PLCB4: variants seen among roughly 807,000 people sequenced by gnomAD.
PLCB4 encodes 1-phosphatidylinositol 4,5-bisphosphate phosphodiesterase beta-4.
A neutral mutation model predicts 178.8 loss-of-function variants in PLCB4; 77 were observed. That is an observed-to-expected ratio of 0.43 (90% CI 0.36 to 0.52). The LOEUF is 0.52. PLCB4 is among the 20% of genes least tolerant of loss of function. The probability of loss-of-function intolerance (pLI) is 0.00; values close to 1 mark genes in which losing one functional copy is unlikely to be tolerated. For synonymous variants in PLCB4, 496 were observed against 490.8 expected, an observed-to-expected ratio of 1.01 and a Z score of -0.14; for missense variants, 1,024 against 1,453.4, an observed-to-expected ratio of 0.70 and a Z score of 4.80.
At chr20:9,087,936 A>G (rs903607088) in intron 1 of PLCB4, among the ~76,000 whole-genome samples, 2 of 152,162 alleles carry the variant, frequency 1.3e-5, no homozygotes, top group Non-Finnish European at 2.9e-5. Flanking sequence ...TTCAAACATG[A>G]CAACCTTCCA....
At chr20:9,341,150 C>G (rs1437504209) in intron 7 of PLCB4, among the ~76,000 whole-genome samples, 1 of 152,066 alleles carries the variant, frequency 6.6e-6, no homozygotes, top group African/African-American at 2.4e-5. Context: ...TCAGTAAATC[C>G]CATAATGTTT....
rs551526522 is a variant in PLCB4 at position 9,191,120 on chromosome 20, G to A, written c.-78-26270G>A. On this transcript the variant is annotated intron_variant, in intron 2 of 39. Transcript: ENST00000378473. ...ACAGTTGTTTCTTTTGCATTTTATA[G>A]CAGGATAGAACACAAACATGAACCT... Among the ~76,000 whole-genome samples, 104 of 152,176 alleles carry A rather than the reference G, an allele frequency of 6.8e-4. 2 individuals are homozygous for A. Among genetic ancestry groups the A allele is most frequent in the Non-Finnish European group, 1.0e-4 (7 of 68,008 alleles).
At chr20:9,126,992 T>G (rs1237613796) in intron 2 of PLCB4, among the ~76,000 whole-genome samples, 3 of 152,166 alleles carry the variant, frequency 2.0e-5, no homozygotes, top group Non-Finnish European at 4.4e-5. Context: ...AGTCACATAC[T>G]TACATAGCAT....
At chr20:9,288,918 C>G (rs533765889) in intron 3 of PLCB4, among the ~76,000 whole-genome samples, 33 of 152,024 alleles carry the variant, frequency 2.2e-4, no homozygotes, top group African/African-American at 7.7e-4. Flanking sequence ...GTCTTTTTTC[C>G]TTTTTTCACA....
intron 2 of PLCB4, among the ~76,000 whole-genome samples, chr20:9,109,394 A>C (rs2091493717): frequency 1.3e-5 from 2 of 152,204 alleles, no homozygotes; most frequent in Non-Finnish European, 2.9e-5. Flanking sequence ...GAGAAGGAGA[A>C]TCTCACAATT....
intron 4 of PLCB4, among the ~76,000 whole-genome samples, chr20:9,315,823 C>G (rs1473268859): frequency 6.6e-6 from 1 of 152,006 alleles, no homozygotes; most frequent in Admixed American, 6.6e-5. Flanking sequence ...GTCCCAGCAA[C>G]TCAGGAGGCT....
At position 9,338,874 on chromosome 20, in the gene PLCB4, A is replaced by G. The variant is rs763877510; in HGVS notation, c.226-20A>G. 5 of 1,585,894 alleles carry G rather than the reference A, an allele frequency of 3.2e-6. No homozygotes were observed. The highest frequency in any genetic ancestry group is 4.5e-5 in the East Asian group (2 of 44,446). ...TGTGATGTAACTTATTTTTTTTTCTATCTGTGTACCTCTATACAGGATCCC... is the reference window on the plus strand; with the variant it reads ...TGTGATGTAACTTATTTTTTTTTCTGTCTGTGTACCTCTATACAGGATCCC... On this transcript the variant is annotated intron_variant, in intron 6 of 39. Coordinates refer to ENST00000378473, the MANE Select transcript of PLCB4 (RefSeq NM_001377142.1).
chr20:9,104,859 T>C (rs1424604550), intron 2 of PLCB4, among the ~76,000 whole-genome samples: 2 of 152,122 alleles, frequency 1.3e-5, no homozygotes, highest in Non-Finnish European at 2.9e-5. Context: ...CTGTTACCTC[T>C]CATCATACAG....
In PLCB4 at chr20:9,380,367, T is replaced by C. The variant is rs142140019; in HGVS notation, c.853+205T>C. Among the ~76,000 whole-genome samples, 910 of 152,328 alleles carry C rather than the reference T, an allele frequency of 6.0e-3. 7 individuals are homozygous for C. The highest frequency in any genetic ancestry group is 0.017 in the African/African-American group (706 of 41,570). ...ATCCTGACTGAAGTATACTGTTACA[T>C]TTATTGTATTATTAAATACATTATA... On this transcript the variant is annotated intron_variant, in intron 13 of 39. Transcript: ENST00000378473.
intron 3 of PLCB4, among the ~76,000 whole-genome samples, chr20:9,271,885 G>T (rs1244154914): frequency 6.6e-6 from 1 of 151,906 alleles, no homozygotes; most frequent in Non-Finnish European, 1.5e-5. Context: ...TGATTAAGAA[G>T]GCATCATGGG....
intron 2 of PLCB4, among the ~76,000 whole-genome samples, chr20:9,195,554 T>G (rs2093461118): frequency 6.6e-6 from 1 of 152,102 alleles, no homozygotes; most frequent in South Asian, 2.1e-4. Flanking sequence ...AATGGTGAAT[T>G]CTTCTCTTTC....
chr20:9,421,493 T>G, intron 27 of PLCB4, 32 bp downstream of exon 27: 1 of 1,585,822 alleles, frequency 6.3e-7, no homozygotes, highest in Non-Finnish European at 8.6e-7. Context: ...AAACTTACTC[T>G]AATAACTTGG....
intron 3 of PLCB4, among the ~76,000 whole-genome samples, chr20:9,221,796 C>A (rs928109524): frequency 7.2e-5 from 11 of 152,090 alleles, no homozygotes; most frequent in African/African-American, 2.4e-4. Context: ...ATAATGATTT[C>A]AGTGCCCTGA....
At chr20:9,087,906 A>G (rs1344899359) in intron 1 of PLCB4, among the ~76,000 whole-genome samples, 1 of 152,202 alleles carries the variant, frequency 6.6e-6, no homozygotes, top group African/African-American at 2.4e-5. Context: ...GCCCACTCAG[A>G]TGGAGGCTTT....
chr20:9,265,716 A>G (rs988163490), intron 3 of PLCB4, among the ~76,000 whole-genome samples: 2 of 152,126 alleles, frequency 1.3e-5, no homozygotes, highest in African/African-American at 4.8e-5. Flanking sequence ...AAGCTGCCAT[A>G]CTTGATTATT....
chr20:9,264,487 G>GAAA, intron 3 of PLCB4, among the ~76,000 whole-genome samples: 1 of 152,102 alleles, frequency 6.6e-6, no homozygotes, highest in African/African-American at 2.4e-5. Flanking sequence ...CTCTCTCAAT[G>GAAA]GGGCCCTTCT....
chr20:9,092,333 G>A (rs1240522713), intron 1 of PLCB4, among the ~76,000 whole-genome samples: 2 of 152,162 alleles, frequency 1.3e-5, no homozygotes, highest in African/African-American at 4.8e-5. Flanking sequence ...AAAGCACAGT[G>A]TGGCTCGGTA....
chr20:9,283,280 T>G (rs2094510295), intron 3 of PLCB4, among the ~76,000 whole-genome samples: 1 of 151,926 alleles, frequency 6.6e-6, no homozygotes, highest in South Asian at 2.1e-4. Context: ...AATAAAGCCC[T>G]CTATGTATTA....
At chr20:9,257,070 T>A (rs979149240) in intron 3 of PLCB4, among the ~76,000 whole-genome samples, 3 of 152,142 alleles carry the variant, frequency 2.0e-5, no homozygotes, top group Admixed American at 2.0e-4. Context: ...AAAATATAGA[T>A]CTGATACAGG....
Sources: allele counts gnomAD v4.1 joint callset (sites outside exome capture counted in the v4.1 genomes callset), GRCh38; gene constraint gnomAD v4.1.1; transcripts MANE v1.5; gene names NCBI Gene and HGNC (gene_info 2026-07-23, HGNC 2026-07-21).